Variants in CC2D1B observed in about 807,000 individuals in gnomAD.
CC2D1B encodes the protein coiled-coil and C2 domain-containing protein 1B.
Under a neutral mutation model 110.8 loss-of-function variants are expected in CC2D1B, and 92 were observed. The observed-to-expected ratio is 0.83, with a 90% CI of 0.70 to 0.99. The LOEUF (loss-of-function observed/expected upper bound fraction) is 0.99. CC2D1B is among the 50% of genes least tolerant of loss of function. The probability of loss-of-function intolerance (pLI) is 0.00; values close to 1 mark genes in which losing one functional copy is unlikely to be tolerated. For synonymous variants in CC2D1B, 406 were observed against 429.2 expected (o/e 0.95, Z 0.67); for missense variants, 1,136 against 1,089.0 (o/e 1.04, Z -0.61).
rs774442100 is a variant in CC2D1B, at chr1:52,362,723, G to A, written c.93C>T (p.Gly31=). The A allele has an allele frequency of 7.4e-6, 12 of 1,614,010 alleles. No homozygotes were observed. The highest frequency in any genetic ancestry group is 1.3e-5 in the African/African-American group (1 of 74,996). Residue 31 remains glycine (G), a synonymous_variant, in exon 3 of 25, where the codon GGC becomes GGT. Transcript: ENST00000284376. ...CCATGCCCAGCAGCATGTCCTCAGG[G>A]CCAAACTCCATAAAGAGCCCCATCT... ...AKQMGLFMEF[G]PEDMLLGMDE...
At chr1:52,360,276 GC>G in intron 6 of CC2D1B, 43 bp from the exon 7 acceptor site, 1 of 1,610,544 alleles carries the variant, frequency 6.2e-7, no homozygotes, top group Non-Finnish European at 8.5e-7. Context: ...AGCCATCTCA[GC>G]CCAGACCCTG....
At chr1:52,362,580 C>G (rs751928708) in intron 3 of CC2D1B, 22 bp downstream of exon 3, 24 of 1,613,886 alleles carry the variant, frequency 1.5e-5, no homozygotes, top group Non-Finnish European at 1.8e-5. Flanking sequence ...AGCACCAAGA[C>G]CAGCCCTGTG....
In CC2D1B at chr1:52,351,454, C is replaced by A. The variant is rs1448511740; in HGVS notation, c.*1771G>T. 6.6e-6 allele frequency: 1 copy of A among 152,114 alleles called. No individual in the cohort carries two copies. Among genetic ancestry groups the A allele is most frequent in the Admixed American group, 6.5e-5 (1 of 15,268 alleles). The allele number at this position is 152,114 out of a possible 1,614,324, so 9.4% of individuals were successfully genotyped here. A position where few individuals can be genotyped will look rare whatever the true frequency, so the allele number is the denominator to read the frequency against. On this transcript the variant is annotated 3_prime_UTR_variant, in exon 25 of 25. Coordinates refer to ENST00000284376, the MANE Select transcript of CC2D1B (RefSeq NM_001330585.2). ...GTTGGGTTAGGAACCCTTCCAGTCA[C>A]CTTTCTTTGCTCTATAGGTCATCTT... is the stretch of plus-strand genomic sequence containing the variant.
At chr1:52,361,749 C>A in intron 3 of CC2D1B, 133 bp from the exon 4 acceptor site, 1 of 1,135,132 alleles carries the variant, frequency 8.8e-7, no homozygotes, top group Non-Finnish European at 1.3e-6. Flanking sequence ...TGGAAAACTG[C>A]TCTTCCTTTA....
intron 23 of CC2D1B, chr1:52,354,284 A>G: frequency 1.9e-6 from 1 of 524,202 alleles, no homozygotes; most frequent in South Asian, 1.6e-5. Flanking sequence ...CCAAGGACAC[A>G]CCATATGAGC....
At position 52,353,081 on chromosome 1, in the gene CC2D1B, G is replaced by A; in HGVS notation, c.*144C>T. The A allele has an allele frequency of 1.2e-6, 1 of 801,582 alleles. No homozygotes were observed. Among genetic ancestry groups the A allele is most frequent in the Non-Finnish European group, 1.9e-6 (1 of 535,178 alleles). The allele number at this position is 801,582 out of a possible 1,614,324, so 49.7% of individuals were successfully genotyped here. A position where few individuals can be genotyped will look rare whatever the true frequency, so the allele number is the denominator to read the frequency against. On this transcript the variant is annotated 3_prime_UTR_variant, in exon 25 of 25. Transcript: ENST00000284376. The stretch of plus-strand genomic sequence containing the variant: ...AACAACAGGAAAGACCAGAGTCGTG[G>A]TCAGTAGTGCACATGCTTAACAGGT...
rs763857426 is a variant in CC2D1B, at chr1:52,358,442, G to A, written c.1350C>T (p.Gly450=). 100 of 1,613,830 alleles carry A rather than the reference G, an allele frequency of 6.2e-5. No homozygotes were observed. The highest frequency in any genetic ancestry group is 8.2e-5 in the Non-Finnish European group (97 of 1,180,024). Residue 450 remains glycine, a synonymous_variant, in exon 13 of 25, where the codon GGC becomes GGT. Transcript: ENST00000284376. ...PVPPGFPPIP[G]LESTMGVEED... is the part of the protein sequence containing the mutation. ...CCTCAACACCCATAGTGGACTCCAG[G>A]CCAGGGATGGGGGGAAATCCTGTGG... is the stretch of plus-strand genomic sequence containing the variant.
chr1:52,356,467 TCCCGAG>T (rs1278206929), intron 16 of CC2D1B, 25 bp from the exon 17 acceptor site: 11 of 1,613,812 alleles, frequency 6.8e-6, no homozygotes, highest in Non-Finnish European at 9.3e-6. Context: ...CCAGAGTGAC[TCCCGAG>T]CCCAGAGCAG....
Position 52,359,030 on chromosome 1 carries a change from G to A in CC2D1B, c.1254C>T (p.Ala418=). 6.2e-7 allele frequency: 1 copy of A among 1,605,906 alleles called. No individual in the cohort carries two copies. The highest frequency in any genetic ancestry group is 1.7e-4 in the Middle Eastern group (1 of 6,060). ...GGCTGCATAGCCGCGGGCCCACCTT[G>A]GCAATGCGCTCATGCATCCGAGCCT... The part of the protein sequence containing the change: ...ERKARMHERI[A]KQYQDAIRAH... The change falls in exon 11 of 25, where the codon GCC becomes GCT. Residue 418 remains alanine, a synonymous_variant. Coordinates refer to ENST00000284376, the MANE Select transcript of CC2D1B (RefSeq NM_001330585.2).
intron 4 of CC2D1B, 29 bp from the exon 5 acceptor site, chr1:52,361,161 T>C (rs1646774302): frequency 6.2e-7 from 1 of 1,613,312 alleles, no homozygotes; most frequent in Non-Finnish European, 8.5e-7. Flanking sequence ...GCCCAGGAGC[T>C]TGGGGGCCTC....
chr1:52,357,724 G>A (rs1454008635), intron 14 of CC2D1B, 26 bp from the exon 15 acceptor site: 13 of 1,610,270 alleles, frequency 8.1e-6, no homozygotes, highest in African/African-American at 1.3e-5. Flanking sequence ...CACTGGTTAG[G>A]GCCACACCTG....
In CC2D1B at chr1:52,352,587, G is replaced by T. The variant is rs1646549097; in HGVS notation, c.*638C>A. On this transcript the variant is annotated 3_prime_UTR_variant, in exon 25 of 25. Coordinates refer to ENST00000284376, the MANE Select transcript of CC2D1B (RefSeq NM_001330585.2). ...TCCAGTTAACAGTCTTTTCTCTTGG[G>T]TGGGTAGACCAAACCCAAGATCCAA... 6.6e-6 allele frequency: 1 copy of T among 152,488 alleles called. No individual in the cohort carries two copies. The highest frequency in any genetic ancestry group is 1.5e-5 in the Non-Finnish European group (1 of 68,008). The allele number at this position is 152,488 out of a possible 1,614,324, so 9.4% of individuals were successfully genotyped here.
chr1:52,359,300 G>A lies in CC2D1B; in HGVS notation c.1076C>T (p.Ala359Val), dbSNP rs764549898. ...CATCACTGGCTGCACTCGCTCCACG[G>A]CTGGGGGAATGACTGAGGGTGCTGT... The part of the protein sequence containing the change: ...APTAPSVIPP[A>V]VERVQPVMAP... The change falls in exon 10 of 25, where the codon GCC becomes GTC. Residue 359 changes from alanine to valine, a missense_variant. Transcript: ENST00000284376. 3.3e-5 allele frequency: 53 copies of A among 1,613,374 alleles called. No homozygotes were observed. The highest frequency in any genetic ancestry group is 3.7e-5 in the Non-Finnish European group (44 of 1,179,852).
rs201188149 is a variant in CC2D1B, at chr1:52,357,616, C to T, written c.1662G>A (p.Leu554=). ...AALQAKRSQD[L]EQAKAYLRVA... ...CCCGCAGATAGGCTTTGGCCTGCTC[C>T]AGGTCCTGGCTGCGCTTGGCCTGCA... Residue 554 remains leucine, a synonymous_variant, in exon 15 of 25, where the codon CTG becomes CTA. Coordinates refer to ENST00000284376, the MANE Select transcript of CC2D1B (RefSeq NM_001330585.2). 2.3e-5 allele frequency: 36 copies of T among 1,591,760 alleles called. No homozygotes were observed. Among genetic ancestry groups the T allele is most frequent in the Non-Finnish European group, 3.0e-5 (35 of 1,168,408 alleles).
chr1:52,361,188 C>A, intron 4 of CC2D1B, 56 bp from the exon 5 acceptor site: 1 of 1,600,914 alleles, frequency 6.2e-7, no homozygotes, highest in East Asian at 2.2e-5. Context: ...ATACCCACAA[C>A]AGGACCTGAG....
At chr1:52,354,385 A>T (rs1160916110) in intron 23 of CC2D1B, 1 of 694,620 alleles carries the variant, frequency 1.4e-6, no homozygotes, top group South Asian at 1.5e-5. Flanking sequence ...CATTGAGTTC[A>T]TGGAAACAAG....
chr1:52,356,720 G>C, intron 16 of CC2D1B: 1 of 599,610 alleles, frequency 1.7e-6, no homozygotes, highest in Non-Finnish European at 2.9e-6. Flanking sequence ...TTCCAGAACA[G>C]GTGGCAGTTC....
Position 52,357,838 on chromosome 1 carries a change from A to G in CC2D1B, c.1522T>C (p.Ser508Pro), listed in dbSNP as rs1318152112. 6.3e-7 allele frequency: 1 copy of G among 1,593,798 alleles called. No individual in the cohort carries two copies. Among genetic ancestry groups the G allele is most frequent in the Non-Finnish European group, 8.5e-7 (1 of 1,170,852 alleles). ...GCCCTGGGCTCAGGCAGGCGCTGGG[A>G]TGAAGGGACTGTGGGCCGTGCAGGT... ...KKPARPTVPSSQRLPEPRASS... is the reference protein window; with the variant it reads ...KKPARPTVPSPQRLPEPRASS... The change falls in exon 14 of 25, where the codon TCC becomes CCC. Residue 508 changes from serine (S) to proline (P), a missense_variant. Transcript: ENST00000284376.
In CC2D1B at chr1:52,354,699, C is replaced by A; in HGVS notation, c.2340-1G>T. On this transcript the variant is annotated splice_acceptor_variant, in intron 22 of 24. Coordinates refer to ENST00000284376, the MANE Select transcript of CC2D1B (RefSeq NM_001330585.2). LOFTEE classifies it high-confidence loss of function. ...CAGCTTGTCGCTTCTGAAGAAGGAC[C>A]TGGGGAGTCAAGAGGCAGCAGAGGA... 1 of 1,614,128 alleles carries A rather than the reference C, an allele frequency of 6.2e-7. No individual in the cohort carries two copies. Among genetic ancestry groups the A allele is most frequent in the Non-Finnish European group, 8.5e-7 (1 of 1,179,996 alleles).
Sources: allele counts gnomAD v4.1 joint callset, GRCh38; gene constraint gnomAD v4.1.1; transcripts MANE v1.5; gene names NCBI Gene and HGNC (gene_info 2026-07-23, HGNC 2026-07-21).